CRBN: variants seen among roughly 807,000 people sequenced by gnomAD.
CRBN encodes cereblon.
A neutral mutation model predicts 62.2 loss-of-function variants in CRBN; 53 were observed. That is an observed-to-expected ratio of 0.85 (90% CI 0.68 to 1.07). CRBN has a LOEUF of 1.07. CRBN is among the 50% of genes least tolerant of loss of function. The pLI is 0.00. For synonymous variants in CRBN, 208 were observed against 176.1 expected (o/e 1.18, Z -1.43); for missense variants, 616 against 531.1 (o/e 1.16, Z -1.57).
rs66844241 is a variant in CRBN, at chr3:3,152,150, A to ATTTT, written c.1148+302_1148+305dup. ...TGTGGAATGAAGGACATTTAAATAA[A>ATTTT]TTTTTTTTTTTTTTTAAATAGACAG... On this transcript the variant is annotated intron_variant, in intron 10 of 10. Coordinates refer to ENST00000231948, the MANE Select transcript of CRBN (RefSeq NM_016302.4). 4.6e-3 allele frequency among the ~76,000 whole-genome samples: 679 copies of ATTTT among 147,158 alleles called. 7 individuals carry two copies. Among genetic ancestry groups the ATTTT allele is most frequent in the African/African-American group, 8.0e-3 (316 of 39,614 alleles).
At chr3:3,163,827 CAAAA>C (rs200953414) in intron 5 of CRBN, among the ~76,000 whole-genome samples, 28 of 150,414 alleles carry the variant, frequency 1.9e-4, no homozygotes, top group African/African-American at 6.1e-4. Context: ...AACAAACAAA[CAAAA>C]AAAAAATTAA....
At chr3:3,163,438 T>C (rs753953312) in intron 5 of CRBN, among the ~76,000 whole-genome samples, 1 of 147,530 alleles carries the variant, frequency 6.8e-6, no homozygotes, top group African/African-American at 2.4e-5. Context: ...TCTTGTCTTA[T>C]TAAGCCAGTG....
In CRBN at chr3:3,179,604, C is replaced by A. The variant is rs778358402; in HGVS notation, c.67+17G>T. On this transcript the variant is annotated intron_variant, in intron 1 of 10. Coordinates refer to ENST00000231948, the MANE Select transcript of CRBN (RefSeq NM_016302.4). ...TCGCCCCACTCCCGACTACAGGGAA[C>A]TACTCCGGGCGGTTACCAGGCAGGA... 6.2e-7 allele frequency: 1 copy of A among 1,612,898 alleles called. No homozygotes were observed. The highest frequency in any genetic ancestry group is 1.7e-5 in the Admixed American group (1 of 60,004).
intron 5 of CRBN, among the ~76,000 whole-genome samples, chr3:3,165,439 T>C (rs1707292367): frequency 2.0e-5 from 3 of 152,238 alleles, no homozygotes; most frequent in South Asian, 4.1e-4. Flanking sequence ...TCTTAAGAAA[T>C]TGCTGTAGTC....
intron 5 of CRBN, among the ~76,000 whole-genome samples, chr3:3,162,296 A>G (rs1193288167): frequency 3.3e-5 from 5 of 152,186 alleles, no homozygotes; most frequent in Admixed American, 1.3e-4. Context: ...TACTCCAAAC[A>G]GGTTTAAACA....
intron 5 of CRBN, 123 bp downstream of exon 5, chr3:3,167,511 C>G: frequency 1.1e-6 from 1 of 929,042 alleles, no homozygotes; most frequent in Non-Finnish European, 1.7e-6. Flanking sequence ...TCAAATGTAG[C>G]TGGAATATTG....
chr3:3,164,856 T>G (rs139137572), intron 5 of CRBN, among the ~76,000 whole-genome samples: 102 of 152,338 alleles, frequency 6.7e-4, no homozygotes, highest in African/African-American at 2.2e-3. Flanking sequence ...ACATTTTTCA[T>G]AGGCTATAGC....
intron 10 of CRBN, 34 bp downstream of exon 10, chr3:3,152,415 TAAAAAAA>T: frequency 6.3e-7 from 1 of 1,582,296 alleles, no homozygotes; most frequent in South Asian, 1.2e-5. Flanking sequence ...CCAATTAAGG[TAAAAAAA>T]GAAAAAAAAA....
chr3:3,173,246 C>A (rs965668075), intron 3 of CRBN, among the ~76,000 whole-genome samples: 41 of 151,826 alleles, frequency 2.7e-4, no homozygotes, highest in African/African-American at 9.2e-4. Context: ...TTAGTAGAGA[C>A]GGGGTTTCAC....
chr3:3,152,010 C>A (rs1052168190), intron 10 of CRBN, among the ~76,000 whole-genome samples: 1 of 152,068 alleles, frequency 6.6e-6, no homozygotes, highest in Non-Finnish European at 1.5e-5. Flanking sequence ...CAGAAAAAAA[C>A]AATTTTGGAT....
chr3:3,175,761 T>C lies in CRBN; in HGVS notation c.68-492A>G, dbSNP rs568538199. Among the ~76,000 whole-genome samples, 7 of 152,296 alleles carry C rather than the reference T, an allele frequency of 4.6e-5. No individual in the cohort carries two copies. The East Asian group carries it at 1.4e-3, about 29-fold the overall frequency. On this transcript the variant is annotated intron_variant, in intron 1 of 10. Coordinates refer to ENST00000231948, the MANE Select transcript of CRBN (RefSeq NM_016302.4). ...TCAGACTTTGCTTGTTTCTGAGTTT[T>C]GAGGAGTACTGGTCAGGCCTTTTGT...
At chr3:3,178,843 C>A (rs1431640694) in intron 1 of CRBN, among the ~76,000 whole-genome samples, 1 of 151,766 alleles carries the variant, frequency 6.6e-6, no homozygotes, top group African/African-American at 2.4e-5. Context: ...TGGAAAGCAT[C>A]TCTTGAAAGG....
intron 2 of CRBN, 61 bp downstream of exon 2, chr3:3,175,102 G>C: frequency 8.7e-7 from 1 of 1,151,526 alleles, no homozygotes; most frequent in Non-Finnish European, 1.3e-6. Context: ...TTGTTTTTAT[G>C]AACTTTTATC....
At position 3,156,057 on chromosome 3, in the gene CRBN, G is replaced by T. The variant is rs569350313; in HGVS notation, c.750+162C>A. On this transcript the variant is annotated intron_variant, in intron 6 of 10. Coordinates refer to ENST00000231948, the MANE Select transcript of CRBN (RefSeq NM_016302.4). ...GGCTTCAAGCAATCCCCCTGCCTTG[G>T]CCTCCCAAAGTGCTGGGATTACAGG... The T allele has an allele frequency of 1.1e-5, 7 of 646,514 alleles. No individual in the cohort carries two copies. In the African/African-American group the frequency reaches 1.1e-4, roughly 10 times the overall value. The allele number at this position is 646,514 out of a possible 1,614,324, so 40.0% of individuals were successfully genotyped here.
chr3:3,161,121 A>G (rs1707122296), intron 5 of CRBN, among the ~76,000 whole-genome samples: 1 of 152,218 alleles, frequency 6.6e-6, no homozygotes, highest in South Asian at 2.1e-4. Context: ...ATGTAAGAAC[A>G]ACAACAAAAA....
intron 1 of CRBN, 89 bp from the exon 2 acceptor site, chr3:3,175,358 T>C: frequency 1.1e-6 from 1 of 936,864 alleles, no homozygotes; most frequent in East Asian, 2.4e-5. Flanking sequence ...GGGGTACTTC[T>C]AAAACCACAT....
Position 3,152,455 on chromosome 3 carries a change from C to T in CRBN, c.1148+1G>A. 1 of 1,613,040 alleles carries T rather than the reference C, an allele frequency of 6.2e-7. No homozygotes were observed. The highest frequency in any genetic ancestry group is 2.2e-5 in the East Asian group (1 of 44,860). The stretch of plus-strand genomic sequence containing the variant: ...AAAAGCAACCACCACCATAATATTA[C>T]CCAGGAAACCAGCTGTGTTCTGTAG... On this transcript the variant is annotated splice_donor_variant, in intron 10 of 10. Transcript: ENST00000231948. LOFTEE classifies it high-confidence loss of function.
chr3:3,177,163 C>A (rs1707857128), intron 1 of CRBN, among the ~76,000 whole-genome samples: 1 of 152,178 alleles, frequency 6.6e-6, no homozygotes, highest in Admixed American at 6.5e-5. Flanking sequence ...CTGGCCTAGA[C>A]TAACAATAAA....
chr3:3,167,507 G>C, intron 5 of CRBN, 127 bp downstream of exon 5: 1 of 895,416 alleles, frequency 1.1e-6, no homozygotes, highest in Non-Finnish European at 1.7e-6. Flanking sequence ...AGGATCAAAT[G>C]TAGCTGGAAT....
Sources: gnomAD v4.1 joint callset for allele counts (sites outside exome capture counted in the v4.1 genomes callset) on GRCh38, gnomAD v4.1.1 for gene constraint, MANE v1.5 for transcripts, NCBI Gene and HGNC (gene_info 2026-07-23, HGNC 2026-07-21) for gene names.